The following DACH1 variants were observed in gnomAD, a reference collection of about 807,000 sequenced individuals.
DACH1 encodes dachshund family transcription factor 1.
In DACH1, 12 loss-of-function variants were observed where a neutral mutation model predicts 54.2. The observed-to-expected ratio is 0.22, with a 90% confidence interval of 0.14 to 0.36. The LOEUF (loss-of-function observed/expected upper bound fraction) is 0.36, where lower values mean the gene tolerates loss of function less well. Ranked by LOEUF, DACH1 falls within the 10% of genes least tolerant of loss-of-function variation. The pLI is 1.00. For synonymous variants in DACH1, 386 were observed against 366.2 expected (o/e 1.05, Z -0.62); for missense variants, 805 against 929.8 (o/e 0.87, Z 1.75).
chr13:71,770,537 A>G (rs919487268), intron 1 of DACH1, among the ~76,000 whole-genome samples: 1 of 151,658 alleles, frequency 6.6e-6, no homozygotes, highest in Non-Finnish European at 1.5e-5. Context: ...AAGCTCAAGA[A>G]GGAAAGAACG....
At chr13:71,441,166 TTA>T (rs1290714112) in intron 10 of DACH1, among the ~76,000 whole-genome samples, 1 of 152,060 alleles carries the variant, frequency 6.6e-6, no homozygotes, top group African/African-American at 2.4e-5. Context: ...TCGTTGCTAT[TTA>T]TATGAAAGCC....
intron 7 of DACH1, among the ~76,000 whole-genome samples, chr13:71,484,695 T>C (rs1340123169): frequency 6.6e-6 from 1 of 152,208 alleles, no homozygotes. Context: ...TAAGCCACTT[T>C]TTAAAGCCTT....
rs1379079084 is a variant in DACH1, at chr13:71,581,744, CAAT to C, written c.1127-8735_1127-8733del. Among the ~76,000 whole-genome samples the C allele has an allele frequency of 4.7e-5, 7 of 150,236 alleles. No individual in the cohort carries two copies. The East Asian group carries it at 1.4e-3, about 29-fold the overall frequency. On this transcript the variant is annotated intron_variant, in intron 3 of 10. Transcript: ENST00000613252. ...TTGTATAGTGGCATTATTAAGGAGG[CAAT>C]AATGATGATGATAGCATCTAGTATA...
Position 71,866,722 on chromosome 13 carries a change from A to AG in DACH1, c.47dup (p.Gln17SerfsTer130). 1 of 1,441,864 alleles carries AG rather than the reference A, an allele frequency of 6.9e-7. No homozygotes were observed. The highest frequency in any genetic ancestry group is 9.2e-7 in the Non-Finnish European group (1 of 1,088,880). The allele number at this position is 1,441,864 out of a possible 1,614,324, so 89.3% of individuals were successfully genotyped here. On this transcript the variant is annotated frameshift_variant, in exon 1 of 11. Coordinates refer to ENST00000613252, the MANE Select transcript of DACH1 (RefSeq NM_080759.6). LOFTEE classifies it high-confidence loss of function. Reference sequence around the variant, plus strand: ...AAGCAGACGTGGAGATTGGGGGTTGAGGGGGGACCAGCTGGGTCGGAGGGA... The same window carrying AG: ...AAGCAGACGTGGAGATTGGGGGTTGAGGGGGGGACCAGCTGGGTCGGAGGGA...
intron 8 of DACH1, among the ~76,000 whole-genome samples, chr13:71,478,745 G>A (rs1313335043): frequency 6.6e-6 from 1 of 152,138 alleles, no homozygotes; most frequent in Non-Finnish European, 1.5e-5. Context: ...TTCAATTTCA[G>A]TTGATAAATA....
chr13:71,579,965 A>G (rs1049643781), intron 3 of DACH1, among the ~76,000 whole-genome samples: 2 of 152,294 alleles, frequency 1.3e-5, no homozygotes, highest in Admixed American at 6.5e-5. Context: ...ATAAGAAAAA[A>G]TTAGTAGCCA....
intron 2 of DACH1, among the ~76,000 whole-genome samples, chr13:71,634,802 C>G (rs975200162): frequency 6.6e-6 from 1 of 152,198 alleles, no homozygotes; most frequent in Non-Finnish European, 1.5e-5. Context: ...ATGCAAATAG[C>G]TCAGCCCTAG....
At chr13:71,493,402 C>G (rs975830335) in intron 6 of DACH1, among the ~76,000 whole-genome samples, 3 of 152,072 alleles carry the variant, frequency 2.0e-5, no homozygotes, top group African/African-American at 7.2e-5. Context: ...TGATTGATTG[C>G]AATCCCATGA....
chr13:71,605,207 A>G (rs77847334), intron 3 of DACH1, among the ~76,000 whole-genome samples: 2,345 of 152,084 alleles, frequency 0.015, 41 homozygotes, highest in African/African-American at 0.035. Context: ...AATGTTTTAC[A>G]TGTTTAATAT....
chr13:71,527,504 T>A (rs928449040), intron 6 of DACH1, among the ~76,000 whole-genome samples: 2 of 152,144 alleles, frequency 1.3e-5, no homozygotes, highest in Admixed American at 6.5e-5. Context: ...CCATAGTAAA[T>A]CAAATGTGAA....
At chr13:71,796,019 C>T (rs1304956891) in intron 1 of DACH1, among the ~76,000 whole-genome samples, 2 of 152,062 alleles carry the variant, frequency 1.3e-5, no homozygotes, top group African/African-American at 4.8e-5. Flanking sequence ...TCTGTTTTCC[C>T]AAGAGCTTTA....
intron 1 of DACH1, among the ~76,000 whole-genome samples, chr13:71,767,091 A>C (rs2138024736): frequency 6.6e-6 from 1 of 152,148 alleles, no homozygotes; most frequent in South Asian, 2.1e-4. Flanking sequence ...ATAATTAATT[A>C]CTTAGTCATT....
At chr13:71,546,494 T>G (rs1883475517) in intron 6 of DACH1, among the ~76,000 whole-genome samples, 1 of 152,010 alleles carries the variant, frequency 6.6e-6, no homozygotes, top group African/African-American at 2.4e-5. Flanking sequence ...ATAAGGGTAC[T>G]TTACTTGCTT....
intron 1 of DACH1, among the ~76,000 whole-genome samples, chr13:71,779,110 T>TATACATATATAC (rs1555321947): frequency 1.5e-4 from 19 of 127,614 alleles, no homozygotes; most frequent in African/African-American, 6.4e-4. Flanking sequence ...TATATATATA[T>TATACATATATAC]ACATATATAC....
Position 71,798,924 on chromosome 13 carries a change from T to C in DACH1, c.848+66998A>G, listed in dbSNP as rs546792597. ...ATGAAACTTCGCTCCCCCAGGCCTCTGGAGCCCAATAGAGAGCTCTCTCCT... is the reference window on the plus strand; with the variant it reads ...ATGAAACTTCGCTCCCCCAGGCCTCCGGAGCCCAATAGAGAGCTCTCTCCT... On this transcript the variant is annotated intron_variant, in intron 1 of 10. Coordinates refer to ENST00000613252, the MANE Select transcript of DACH1 (RefSeq NM_080759.6). Among the ~76,000 whole-genome samples the C allele has an allele frequency of 2.0e-5, 3 of 152,250 alleles. No individual in the cohort carries two copies. In the South Asian group the frequency reaches 6.2e-4, roughly 32 times the overall value.
intron 8 of DACH1, among the ~76,000 whole-genome samples, chr13:71,477,888 G>A (rs975387693): frequency 8.5e-5 from 13 of 152,106 alleles, no homozygotes; most frequent in Non-Finnish European, 1.3e-4. Flanking sequence ...TTTACTGTTC[G>A]TAATTAATTA....
chr13:71,551,383 T>A (rs1301328881), intron 6 of DACH1, among the ~76,000 whole-genome samples: 1 of 152,140 alleles, frequency 6.6e-6, no homozygotes, highest in East Asian at 1.9e-4. Context: ...AGTCACCCTA[T>A]TGATTTATTG....
chr13:71,672,370 T>C (rs1880256166), intron 2 of DACH1, among the ~76,000 whole-genome samples: 1 of 152,144 alleles, frequency 6.6e-6, no homozygotes, highest in African/African-American at 2.4e-5. Context: ...CTTTCTGGCT[T>C]TTGCCAGCTT....
chr13:71,693,296 C>CTTTTTTTTTTTTTTT (rs869289138), intron 1 of DACH1, among the ~76,000 whole-genome samples: 4 of 90,950 alleles, frequency 4.4e-5, no homozygotes, highest in Non-Finnish European at 8.1e-5. Context: ...ATTTGTTTTG[C>CTTTTTTTTTTTTTTT]TTTTTTTTTT....
Sources: gnomAD v4.1 joint callset for allele counts (sites outside exome capture counted in the v4.1 genomes callset) on GRCh38, gnomAD v4.1.1 for gene constraint, MANE v1.5 for transcripts, NCBI Gene and HGNC (gene_info 2026-07-23, HGNC 2026-07-21) for gene names.